Variants in AKT3 observed in about 807,000 individuals in gnomAD.
AKT3 encodes the protein AKT serine/threonine kinase 3, also known as RAC-gamma serine/threonine-protein kinase.
Under a neutral mutation model 65.3 loss-of-function variants are expected in AKT3, and 15 were observed. The ratio of observed to expected loss-of-function variants is 0.23; its 90% CI spans 0.15 to 0.35. The LOEUF is 0.35. Among genes scored for constraint, AKT3 ranks in the 10% least tolerant of loss-of-function variants. The pLI is 1.00. For synonymous variants in AKT3, 206 were observed against 183.8 expected (o/e 1.12, Z -0.98); for missense variants, 243 against 576.5 (o/e 0.42, Z 5.92).
rs1175435568 is a variant in AKT3, at chr1:243,742,326, A to C, written c.47-46610T>G. Among the ~76,000 whole-genome samples, 6 of 152,336 alleles carry C rather than the reference A, an allele frequency of 3.9e-5. No individual in the cohort carries two copies. The East Asian group carries it at 1.2e-3, about 29-fold the overall frequency. On this transcript the variant is annotated intron_variant, in intron 2 of 13. Transcript: ENST00000673466. ...ATAAAAAGAATCGGATTTTATGTAA[A>C]TAATAAATATACTCAGAGGTCAGGC...
intron 8 of AKT3, among the ~76,000 whole-genome samples, chr1:243,587,263 T>C (rs564351282): frequency 2.0e-5 from 3 of 152,188 alleles, no homozygotes; most frequent in Non-Finnish European, 4.4e-5. Context: ...TGGCAATAGA[T>C]AGCAAGATAA....
At chr1:243,725,596 G>A (rs572702755) in intron 2 of AKT3, among the ~76,000 whole-genome samples, 1 of 152,176 alleles carries the variant, frequency 6.6e-6, no homozygotes, top group African/African-American at 2.4e-5. Flanking sequence ...TTAAGGGTCG[G>A]GGGCATAACC....
chr1:243,804,618 G>A (rs544010300), intron 2 of AKT3, among the ~76,000 whole-genome samples: 11 of 152,198 alleles, frequency 7.2e-5, no homozygotes, highest in South Asian at 2.1e-4. Flanking sequence ...AGGCCGAGGC[G>A]GATGGATCAC....
intron 2 of AKT3, among the ~76,000 whole-genome samples, chr1:243,822,501 TTTAAA>T (rs1693917489): frequency 6.6e-6 from 1 of 151,390 alleles, no homozygotes; most frequent in Non-Finnish European, 1.5e-5. Flanking sequence ...AGCTGGTTTT[TTTAAA>T]AAATTAATAA....
chr1:243,786,692 G>A (rs1215569363), intron 2 of AKT3, among the ~76,000 whole-genome samples: 3 of 151,926 alleles, frequency 2.0e-5, no homozygotes, highest in Non-Finnish European at 2.9e-5. Context: ...GGGGTGGGGG[G>A]GTGCGCGGTG....
chr1:243,503,392 GCT>G lies in AKT3; in HGVS notation c.*1855_*1856del, dbSNP rs34770086. 63,966 of 233,102 alleles carry G rather than the reference GCT, an allele frequency of 0.27. 9,161 individuals are homozygous for G. The highest frequency in any genetic ancestry group is 0.36 in the African/African-American group (16,322 of 45,244). 14.4% of individuals were successfully genotyped at this position (233,102 alleles called of 1,614,324 possible). On this transcript the variant is annotated 3_prime_UTR_variant, in exon 14 of 14. Coordinates refer to ENST00000673466, the MANE Select transcript of AKT3 (RefSeq NM_005465.7). ...ATTCATCCTACTTAGAAAGTCACTT[GCT>G]CTTTCATACAATGCAATCATAATAC...
chr1:243,845,551 GGT>G (rs1695478576), intron 1 of AKT3, among the ~76,000 whole-genome samples: 1 of 123,912 alleles, frequency 8.1e-6, no homozygotes, highest in Non-Finnish European at 1.7e-5. Context: ...TATGCTGAGT[GGT>G]GACCGTGCCT....
intron 2 of AKT3, among the ~76,000 whole-genome samples, chr1:243,733,991 T>C (rs1040231560): frequency 3.3e-5 from 5 of 152,182 alleles, no homozygotes; most frequent in African/African-American, 7.2e-5. Context: ...AATGTATTAA[T>C]ATAAATCTCA....
At chr1:243,601,949 G>T (rs1166538753) in intron 8 of AKT3, among the ~76,000 whole-genome samples, 1 of 152,028 alleles carries the variant, frequency 6.6e-6, no homozygotes, top group Non-Finnish European at 1.5e-5. Context: ...TACCCACTCT[G>T]TGGTAAGCCA....
intron 2 of AKT3, among the ~76,000 whole-genome samples, chr1:243,841,180 A>ATT (rs36028452): frequency 6.6e-6 from 1 of 151,402 alleles, no homozygotes; most frequent in African/African-American, 2.4e-5. Flanking sequence ...ATTCTTATTC[A>ATT]TTTTTTTTTC....
intron 6 of AKT3, 30 bp from the exon 7 acceptor site, chr1:243,615,191 A>G (rs370960844): frequency 5.9e-6 from 9 of 1,530,526 alleles, no homozygotes; most frequent in Middle Eastern, 1.7e-4. Context: ...AACCTTCAAT[A>G]TATGTTTTGA....
intron 12 of AKT3, among the ~76,000 whole-genome samples, chr1:243,526,602 A>T (rs73120396): frequency 6.6e-6 from 1 of 151,996 alleles, no homozygotes; most frequent in African/African-American, 2.4e-5. Context: ...TCTTGAAAAC[A>T]GCCAGTGAAA....
intron 13 of AKT3, among the ~76,000 whole-genome samples, chr1:243,511,171 G>A (rs1438002043): frequency 3.3e-5 from 5 of 152,200 alleles, no homozygotes; most frequent in Non-Finnish European, 7.3e-5. Flanking sequence ...CCTGGACATC[G>A]GTCAAGTTGG....
chr1:243,645,920 A>T lies in AKT3; in HGVS notation c.402T>A (p.Asp134Glu). 5 of 1,612,114 alleles carry T rather than the reference A, an allele frequency of 3.1e-6. No individual in the cohort carries two copies. The highest frequency in any genetic ancestry group is 4.2e-6 in the Non-Finnish European group (5 of 1,178,744). ...QIDNIGEEEM[D>E]ASTTHHKRKT... ...TTCTTTTATGATGGGTTGTAGAGGC[A>T]TCCATCTCTTCCTCTCCTATATTAT... The change falls in exon 5 of 14, where the codon GAT (aspartate) becomes GAA (glutamate). Residue 134 changes from aspartate to glutamate, a missense_variant. Asp to Glu is a conservative substitution (Grantham distance 45). Coordinates refer to ENST00000673466, the MANE Select transcript of AKT3 (RefSeq NM_005465.7).
chr1:243,514,814 G>A (rs751756233), intron 12 of AKT3, among the ~76,000 whole-genome samples: 3 of 152,092 alleles, frequency 2.0e-5, no homozygotes, highest in Admixed American at 6.6e-5. Flanking sequence ...CGGGGCGAAC[G>A]AGTAAAACCC....
chr1:243,606,487 A>T (rs780165720), intron 8 of AKT3, among the ~76,000 whole-genome samples: 1 of 152,184 alleles, frequency 6.6e-6, no homozygotes, highest in Non-Finnish European at 1.5e-5. Context: ...TGCCCTAGAG[A>T]TCTAAGGAAC....
chr1:243,731,638 C>T (rs531359464), intron 2 of AKT3, among the ~76,000 whole-genome samples: 1 of 152,298 alleles, frequency 6.6e-6, no homozygotes, highest in East Asian at 1.9e-4. Context: ...CTAGAAGTGA[C>T]GCACTGAAAG....
Position 243,531,072 on chromosome 1 carries a change from T to A in AKT3, c.1251+14438A>T, listed in dbSNP as rs953704928. ...CCTACTCATTGATGTTCAACCATTCTATCTATCTATCTATCCATCCCTCTC... is the reference window on the plus strand; with the variant it reads ...CCTACTCATTGATGTTCAACCATTCAATCTATCTATCTATCCATCCCTCTC... On this transcript the variant is annotated intron_variant, in intron 12 of 13. Coordinates refer to ENST00000673466, the MANE Select transcript of AKT3 (RefSeq NM_005465.7). 3.2e-4 allele frequency among the ~76,000 whole-genome samples: 48 copies of A among 152,024 alleles called. 1 individual carries two copies. The highest frequency in any genetic ancestry group is 1.9e-3 in the Admixed American group (29 of 15,270).
intron 13 of AKT3, among the ~76,000 whole-genome samples, chr1:243,505,973 C>T (rs1199151373): frequency 1.3e-5 from 2 of 152,254 alleles, no homozygotes; most frequent in African/African-American, 4.8e-5. Context: ...AAACAGGCCG[C>T]TGACAATCAC....
Sources: allele counts gnomAD v4.1 joint callset (sites outside exome capture counted in the v4.1 genomes callset), GRCh38; gene constraint gnomAD v4.1.1; transcripts MANE v1.5; gene names NCBI Gene and HGNC (gene_info 2026-07-23, HGNC 2026-07-21).